The following SDK1 variants were observed in gnomAD, a reference collection of about 807,000 sequenced individuals.
SDK1 encodes protein sidekick-1.
In SDK1, 157 loss-of-function variants were observed where a neutral mutation model predicts 245.5. The observed-to-expected ratio is 0.64, with a 90% CI of 0.56 to 0.73. The LOEUF is 0.73. Among genes scored for constraint, SDK1 ranks in the 30% least tolerant of loss-of-function variants. The pLI is 0.00. For synonymous variants in SDK1, 1,647 were observed against 1,278.5 expected (o/e 1.29, Z -6.15); for missense variants, 3,583 against 3,002.3 (o/e 1.19, Z -4.52).
chr7:3,582,907 G>T (rs1193786953), intron 1 of SDK1, among the ~76,000 whole-genome samples: 1 of 152,188 alleles, frequency 6.6e-6, no homozygotes, highest in Non-Finnish European at 1.5e-5. Flanking sequence ...CTGAGTGGAA[G>T]AGAAGTGTGT....
intron 25 of SDK1, among the ~76,000 whole-genome samples, chr7:4,124,531 A>G (rs1784259930): frequency 1.3e-5 from 2 of 152,144 alleles, no homozygotes; most frequent in East Asian, 1.9e-4. Flanking sequence ...GGCCCACCCT[A>G]TGCAGTATGA....
intron 1 of SDK1, among the ~76,000 whole-genome samples, chr7:3,545,886 T>C (rs57519297): frequency 6.6e-6 from 1 of 152,250 alleles, no homozygotes; most frequent in East Asian, 1.9e-4. Flanking sequence ...CTGTATATTC[T>C]AGTTTCCTTC....
At chr7:3,809,209 A>G (rs1779325209) in intron 4 of SDK1, among the ~76,000 whole-genome samples, 1 of 152,110 alleles carries the variant, frequency 6.6e-6, no homozygotes, top group Non-Finnish European at 1.5e-5. Context: ...AGAGGGAACG[A>G]GAGAAGGGGG....
chr7:3,940,875 T>C (rs1046824450), intron 5 of SDK1, among the ~76,000 whole-genome samples: 2 of 152,084 alleles, frequency 1.3e-5, no homozygotes, highest in South Asian at 2.1e-4. Context: ...CTGCAGGCCA[T>C]CTCCTGTGCT....
chr7:3,544,524 T>C (rs1779155708), intron 1 of SDK1, among the ~76,000 whole-genome samples: 1 of 152,172 alleles, frequency 6.6e-6, no homozygotes. Flanking sequence ...GGAAAATGAG[T>C]CGTTGGCCTA....
intron 20 of SDK1, among the ~76,000 whole-genome samples, chr7:4,071,334 CTT>C (rs1212678129): frequency 6.6e-6 from 1 of 152,210 alleles, no homozygotes; most frequent in Non-Finnish European, 1.5e-5. Context: ...CTCACCTTAA[CTT>C]TTAAAAAAAG....
At chr7:4,164,944 T>A (rs972669530) in intron 32 of SDK1, among the ~76,000 whole-genome samples, 2 of 152,250 alleles carry the variant, frequency 1.3e-5, no homozygotes, top group African/African-American at 4.8e-5. Flanking sequence ...ATTAAAATTA[T>A]GAGTAATTTA....
At chr7:3,995,376 C>A (rs557763447) in intron 14 of SDK1, among the ~76,000 whole-genome samples, 3 of 152,264 alleles carry the variant, frequency 2.0e-5, no homozygotes, top group African/African-American at 7.2e-5. Flanking sequence ...CACACCCACC[C>A]CCTCCCCTGG....
rs1463852544 is a variant in SDK1 at position 3,987,249 on chromosome 7, G to A, written c.2058G>A (p.Val686=). The A allele has an allele frequency of 6.2e-7, 1 of 1,614,074 alleles. No individual in the cohort carries two copies. Among genetic ancestry groups the A allele is most frequent in the Non-Finnish European group, 8.5e-7 (1 of 1,179,970 alleles). The change falls in exon 14 of 45, where the codon GTG becomes GTA. Residue 686 remains valine (V), a synonymous_variant. Coordinates refer to ENST00000404826, the MANE Select transcript of SDK1 (RefSeq NM_152744.4). ...CTAATTCTTCCCACAGCCACGCCGT[G>A]GTGCTCTCTTGGGTCCGGCCCTTTG... ...VSPNSSHSHA[V]VLSWVRPFDG...
intron 17 of SDK1, among the ~76,000 whole-genome samples, chr7:4,037,312 T>C (rs908051639): frequency 5.9e-5 from 9 of 152,166 alleles, no homozygotes; most frequent in South Asian, 2.1e-4. Context: ...AGCGTGAGTC[T>C]GAATCTCTCA....
chr7:3,845,337 A>C (rs1183599965), intron 5 of SDK1, among the ~76,000 whole-genome samples: 1 of 151,944 alleles, frequency 6.6e-6, no homozygotes, highest in East Asian at 1.9e-4. Flanking sequence ...TAAAAATACA[A>C]AACTTAGCTG....
intron 4 of SDK1, among the ~76,000 whole-genome samples, chr7:3,804,633 A>T (rs1654735608): frequency 6.6e-6 from 1 of 152,212 alleles, no homozygotes; most frequent in South Asian, 2.1e-4. Context: ...CACATTAAAC[A>T]CGTAGGCCTG....
chr7:4,018,573 A>G (rs1198864721), intron 17 of SDK1, among the ~76,000 whole-genome samples: 1 of 152,232 alleles, frequency 6.6e-6, no homozygotes, highest in Non-Finnish European at 1.5e-5. Flanking sequence ...TATTTAATAA[A>G]TTAACAATAA....
intron 1 of SDK1, among the ~76,000 whole-genome samples, chr7:3,404,973 G>C (rs527271281): frequency 3.9e-5 from 6 of 152,178 alleles, no homozygotes; most frequent in African/African-American, 1.4e-4. Context: ...CCTGTGTTCA[G>C]AAAGATTCTG....
intron 4 of SDK1, among the ~76,000 whole-genome samples, chr7:3,752,443 A>G (rs1010566581): frequency 3.3e-5 from 5 of 152,218 alleles, no homozygotes; most frequent in African/African-American, 1.2e-4. Flanking sequence ...AAATGCAAAC[A>G]AGATGAGGAA....
Position 3,904,644 on chromosome 7 carries a change from C to T in SDK1, c.848-46279C>T, listed in dbSNP as rs540593103. On this transcript the variant is annotated intron_variant, in intron 5 of 44. Coordinates refer to ENST00000404826, the MANE Select transcript of SDK1 (RefSeq NM_152744.4). The stretch of plus-strand genomic sequence containing the variant: ...GGAAGATCAAGGCTGCAGTGGGCTA[C>T]GATAACACCACTTCACTCCAGCCTG... 1.1e-4 allele frequency among the ~76,000 whole-genome samples: 17 copies of T among 152,032 alleles called. No individual in the cohort carries two copies. In the South Asian group the frequency reaches 2.5e-3, roughly 22 times the overall value.
chr7:4,164,067 C>T (rs911232048), intron 32 of SDK1, among the ~76,000 whole-genome samples: 1 of 152,186 alleles, frequency 6.6e-6, no homozygotes, highest in Non-Finnish European at 1.5e-5. Context: ...GGATAGGAAC[C>T]TTTCCAGGCA....
chr7:3,646,588 C>G (rs1194367453), intron 4 of SDK1, among the ~76,000 whole-genome samples: 2 of 152,232 alleles, frequency 1.3e-5, no homozygotes, highest in Non-Finnish European at 1.5e-5. Flanking sequence ...CCCGGGTCTG[C>G]CTGACACTCA....
intron 5 of SDK1, among the ~76,000 whole-genome samples, chr7:3,831,965 C>A (rs918987965): frequency 6.6e-6 from 1 of 152,088 alleles, no homozygotes; most frequent in African/African-American, 2.4e-5. Context: ...GTAGGAGGAT[C>A]ACTTGAGCCA....
Sources: allele counts gnomAD v4.1 joint callset (sites outside exome capture counted in the v4.1 genomes callset), GRCh38; gene constraint gnomAD v4.1.1; transcripts MANE v1.5; gene names NCBI Gene and HGNC (gene_info 2026-07-23, HGNC 2026-07-21).